Variants in ADGRD1 observed in about 807,000 individuals in gnomAD.
ADGRD1 encodes adhesion G protein-coupled receptor D1, also known as G-protein coupled receptor 133.
In ADGRD1, 77 loss-of-function variants were observed where a neutral mutation model predicts 113.4. That is an observed-to-expected ratio of 0.68 (90% CI 0.57 to 0.82). ADGRD1 has a LOEUF of 0.82. Among genes scored for constraint, ADGRD1 ranks in the 40% least tolerant of loss-of-function variants. The pLI is 0.00. For synonymous variants in ADGRD1, 474 were observed against 475.0 expected (o/e 1.00, Z 0.03); for missense variants, 1,036 against 1,139.1 (o/e 0.91, Z 1.30).
At chr12:130,976,334 G>C in intron 4 of ADGRD1, among the ~76,000 whole-genome samples, 1 of 152,058 alleles carries the variant, frequency 6.6e-6, no homozygotes, top group East Asian at 1.9e-4. Flanking sequence ...GGAAACTGAG[G>C]CCCAGAGAGG....
chr12:130,984,477 T>A lies in ADGRD1; in HGVS notation c.490+2414T>A, dbSNP rs978598152. ...TGCTGTTAGATTTTAATAGATTTTATTTTTTAGAACAGTTTTAGATTCACA... is the reference window on the plus strand; with the variant it reads ...TGCTGTTAGATTTTAATAGATTTTAATTTTTAGAACAGTTTTAGATTCACA... On this transcript the variant is annotated intron_variant, in intron 5 of 24. Coordinates refer to ENST00000261654, the MANE Select transcript of ADGRD1 (RefSeq NM_198827.5). The surrounding 1 kb of genome is among the most constrained non-coding windows in gnomAD (Gnocchi z 4.1). Among the ~76,000 whole-genome samples the A allele has an allele frequency of 6.6e-6, 1 of 152,182 alleles. No individual in the cohort carries two copies. The highest frequency in any genetic ancestry group is 1.5e-5 in the Non-Finnish European group (1 of 68,036).
chr12:130,979,219 C>T (rs1460442111), intron 4 of ADGRD1, among the ~76,000 whole-genome samples: 12 of 152,172 alleles, frequency 7.9e-5, no homozygotes, highest in Admixed American at 7.2e-4. Context: ...GGACAGATGC[C>T]GCAGGGCTTG....
chr12:131,013,802 C>T (rs1174498582), intron 12 of ADGRD1, among the ~76,000 whole-genome samples: 1 of 152,196 alleles, frequency 6.6e-6, no homozygotes, highest in Non-Finnish European at 1.5e-5. Flanking sequence ...GGTCACACAG[C>T]TGATTAAGTG....
chr12:130,962,072 G>A (rs1382579727), intron 2 of ADGRD1: 3 of 152,272 alleles, frequency 2.0e-5, no homozygotes, highest in Non-Finnish European at 2.9e-5. Flanking sequence ...TAACTACCTT[G>A]GATGCCATCC....
At chr12:131,087,116 G>A (rs1388263467) in intron 15 of ADGRD1, among the ~76,000 whole-genome samples, 2 of 152,106 alleles carry the variant, frequency 1.3e-5, no homozygotes, top group Admixed American at 6.5e-5. Context: ...ATGTTCCTCA[G>A]GCTGGTCTTG....
At position 130,965,379 on chromosome 12, in the gene ADGRD1, A is replaced by G. The variant is rs547200390; in HGVS notation, c.104-1084A>G. Among the ~76,000 whole-genome samples the G allele has an allele frequency of 1.6e-3, 239 of 152,306 alleles. No homozygotes were observed. Among genetic ancestry groups the G allele is most frequent in the African/African-American group, 5.6e-3 (232 of 41,560 alleles). Reference sequence around the variant, plus strand: ...TGATCTTATTATCTCCTCTTTAAAAAGTATTTTTTTTAAAAAAACAAGGAC... The same window carrying G: ...TGATCTTATTATCTCCTCTTTAAAAGGTATTTTTTTTAAAAAAACAAGGAC... On this transcript the variant is annotated intron_variant, in intron 2 of 24. Coordinates refer to ENST00000261654, the MANE Select transcript of ADGRD1 (RefSeq NM_198827.5). This position sits in a 1 kb window ranked among gnomAD's most constrained non-coding sequence, Gnocchi z 4.8.
chr12:130,997,655 G>C (rs1380155303), intron 8 of ADGRD1, among the ~76,000 whole-genome samples: 4 of 151,874 alleles, frequency 2.6e-5, no homozygotes, highest in Non-Finnish European at 5.9e-5. Flanking sequence ...TGGCGGCCGG[G>C]AAGAGGCGCT....
At chr12:130,996,168 T>A (rs1453419522) in intron 8 of ADGRD1, among the ~76,000 whole-genome samples, 1 of 149,842 alleles carries the variant, frequency 6.7e-6, no homozygotes, top group Admixed American at 6.6e-5. Context: ...AAGTCTCCCA[T>A]GTCTACTTCT....
At chr12:131,013,642 G>A (rs534381146) in intron 12 of ADGRD1, among the ~76,000 whole-genome samples, 193 of 152,302 alleles carry the variant, frequency 1.3e-3, no homozygotes, top group African/African-American at 4.5e-3. Flanking sequence ...GGCTGTGAGC[G>A]GGGAAGGGGA....
At chr12:131,005,150 C>T (rs939961928) in intron 11 of ADGRD1, among the ~76,000 whole-genome samples, 5 of 152,154 alleles carry the variant, frequency 3.3e-5, no homozygotes, top group African/African-American at 1.2e-4. Flanking sequence ...GGAAAGGTGC[C>T]CCGACTGGTT....
intron 2 of ADGRD1, chr12:130,957,238 ACAGT>A (rs1869734547): frequency 6.6e-6 from 1 of 152,346 alleles, no homozygotes; most frequent in African/African-American, 2.4e-5. Flanking sequence ...ACATGACCAC[ACAGT>A]CACAGACTAC....
intron 2 of ADGRD1, among the ~76,000 whole-genome samples, chr12:130,960,967 CAA>C (rs1436838136): frequency 2.0e-5 from 3 of 152,104 alleles, no homozygotes; most frequent in Non-Finnish European, 4.4e-5. Context: ...GAACAGCAGG[CAA>C]AGTTATGCAG....
In ADGRD1 at chr12:130,954,957, TTCTC is replaced by T. The variant is rs1281680526; in HGVS notation, c.103+301_103+304del. On this transcript the variant is annotated intron_variant, in intron 2 of 24. Coordinates refer to ENST00000261654, the MANE Select transcript of ADGRD1 (RefSeq NM_198827.5). This position sits in a 1 kb window ranked among gnomAD's most constrained non-coding sequence, Gnocchi z 4.7. ...GCCTTCTGCCTCTTTCTTTCTCTCT[TTCTC>T]TCTTTCTTCCTTTCTTCCTTTTTTT... is the stretch of plus-strand genomic sequence containing the variant. Among the ~76,000 whole-genome samples, 2 of 151,816 alleles carry T rather than the reference TTCTC, an allele frequency of 1.3e-5. No homozygotes were observed. The highest frequency in any genetic ancestry group is 2.9e-5 in the Non-Finnish European group (2 of 67,974).
chr12:131,126,256 G>A (rs1950735676), intron 20 of ADGRD1, among the ~76,000 whole-genome samples: 1 of 152,164 alleles, frequency 6.6e-6, no homozygotes, highest in African/African-American at 2.4e-5. Context: ...GTGGGTTTCT[G>A]ATGAAAAGAT....
chr12:130,998,819 G>A (rs1184987804), intron 8 of ADGRD1, among the ~76,000 whole-genome samples: 3 of 152,174 alleles, frequency 2.0e-5, no homozygotes, highest in African/African-American at 7.2e-5. Flanking sequence ...CTAGCAGCTG[G>A]ACGGGAAAAT....
chr12:131,120,119 C>T (rs556815889), intron 19 of ADGRD1, among the ~76,000 whole-genome samples: 5 of 152,242 alleles, frequency 3.3e-5, no homozygotes, highest in East Asian at 3.9e-4. Context: ...AAGCCAGCCC[C>T]GGGGAGACAC....
chr12:131,109,207 C>T (rs1950298477), intron 18 of ADGRD1, among the ~76,000 whole-genome samples: 2 of 152,140 alleles, frequency 1.3e-5, no homozygotes, highest in African/African-American at 4.8e-5. Flanking sequence ...TTCAAAGAAC[C>T]AACTTTTGGT....
chr12:131,001,051 T>C (rs1394661246), intron 9 of ADGRD1, among the ~76,000 whole-genome samples: 1 of 152,234 alleles, frequency 6.6e-6, no homozygotes, highest in African/African-American at 2.4e-5. Context: ...AAATGTGTAC[T>C]TGGTTCATCC....
At chr12:131,107,323 G>A (rs557313346) in intron 17 of ADGRD1, among the ~76,000 whole-genome samples, 25 of 151,244 alleles carry the variant, frequency 1.7e-4, no homozygotes, top group Non-Finnish European at 2.7e-4. Flanking sequence ...GATGGGTCCC[G>A]CTCTCCCAGA....
Sources: gnomAD v4.1 joint callset for allele counts (sites outside exome capture counted in the v4.1 genomes callset) on GRCh38, gnomAD v4.1.1 for gene constraint, Gnocchi (gnomAD v3.1) non-coding constraint, MANE v1.5 for transcripts, NCBI Gene and HGNC (gene_info 2026-07-23, HGNC 2026-07-21) for gene names.